The following MAGI2 variants were observed in gnomAD, a reference collection of about 807,000 sequenced individuals.
The protein encoded by MAGI2 is membrane-associated guanylate kinase, WW and PDZ domain-containing protein 2.
MAGI2 carries 35 observed loss-of-function variants against 133.3 expected under a neutral mutation model. The observed-to-expected ratio is 0.26, with a 90% CI of 0.20 to 0.35. MAGI2 has a LOEUF of 0.35. Ranked by LOEUF, MAGI2 falls within the 10% of genes least tolerant of loss-of-function variation. The probability of loss-of-function intolerance (pLI) is 1.00; values close to 1 mark genes in which losing one functional copy is unlikely to be tolerated. For synonymous variants in MAGI2, 729 were observed against 710.6 expected (o/e 1.03, Z -0.41); for missense variants, 1,636 against 1,863.4 (o/e 0.88, Z 2.25).
intron 20 of MAGI2, among the ~76,000 whole-genome samples, chr7:78,092,847 C>A (rs74771292): frequency 6.6e-6 from 1 of 152,090 alleles, no homozygotes; most frequent in South Asian, 2.1e-4. Flanking sequence ...CATACTGTTA[C>A]CTCTATTGCT....
intron 2 of MAGI2, among the ~76,000 whole-genome samples, chr7:78,831,158 A>T (rs1347478270): frequency 6.6e-6 from 1 of 152,156 alleles, no homozygotes. Context: ...AAGCCCATAC[A>T]TTATCAGCCA....
At chr7:79,229,150 AAAC>A (rs1381574469) in intron 1 of MAGI2, among the ~76,000 whole-genome samples, 4 of 152,032 alleles carry the variant, frequency 2.6e-5, no homozygotes, top group Middle Eastern at 3.4e-3. Context: ...GGAAAAAAAA[AAAC>A]AACAACATAA....
intron 5 of MAGI2, among the ~76,000 whole-genome samples, chr7:78,497,766 T>TCTGTCTGTCTATCTATCTATCTATCTA (rs1385517709): frequency 7.4e-6 from 1 of 135,312 alleles, no homozygotes; most frequent in Non-Finnish European, 1.6e-5. Flanking sequence ...CTATCTATCT[T>TCTGTCTGTCTATCTATCTATCTATCTA]TCTATCTTAT....
chr7:78,882,960 C>T (rs1458077864), intron 2 of MAGI2, among the ~76,000 whole-genome samples: 1 of 152,032 alleles, frequency 6.6e-6, no homozygotes, highest in South Asian at 2.1e-4. Flanking sequence ...ATAAGGATGC[C>T]CACTCTCACT....
At chr7:79,282,992 AT>A (rs2129558134) in intron 1 of MAGI2, among the ~76,000 whole-genome samples, 1 of 152,290 alleles carries the variant, frequency 6.6e-6, no homozygotes, top group South Asian at 2.1e-4. Flanking sequence ...GCTTGAAAGA[AT>A]GCCAGATGTG....
chr7:78,556,930 TAA>T (rs34425486), intron 3 of MAGI2, among the ~76,000 whole-genome samples: 5 of 149,248 alleles, frequency 3.4e-5, no homozygotes, highest in Non-Finnish European at 4.5e-5. Flanking sequence ...CTACTAAAAA[TAA>T]AAAAAAAAAT....
intron 3 of MAGI2, among the ~76,000 whole-genome samples, chr7:78,558,795 G>T (rs1800084385): frequency 6.7e-6 from 1 of 149,404 alleles, no homozygotes; most frequent in Non-Finnish European, 1.5e-5. Flanking sequence ...TGATCATACA[G>T]TGCTTTTGCA....
chr7:79,157,947 T>A (rs775842168), intron 1 of MAGI2, among the ~76,000 whole-genome samples: 12,839 of 134,908 alleles, frequency 0.095, 630 homozygotes, highest in African/African-American at 0.11. Context: ...TGTGAGTGTG[T>A]GTGTGTGTGT....
intron 2 of MAGI2, among the ~76,000 whole-genome samples, chr7:78,986,483 A>G (rs1027054137): frequency 3.3e-5 from 5 of 151,732 alleles, no homozygotes; most frequent in African/African-American, 1.2e-4. Flanking sequence ...GTCCATTCAA[A>G]CCGGTCTTTT....
At chr7:78,824,412 A>G (rs1790445271) in intron 2 of MAGI2, among the ~76,000 whole-genome samples, 3 of 152,124 alleles carry the variant, frequency 2.0e-5, no homozygotes, top group Non-Finnish European at 4.4e-5. Flanking sequence ...AAGGATTCCC[A>G]TTTCTCCATA....
chr7:78,108,660 G>A (rs867824984), intron 20 of MAGI2, among the ~76,000 whole-genome samples: 6 of 122,596 alleles, frequency 4.9e-5, no homozygotes, highest in Non-Finnish European at 1.8e-5. Context: ...GTGTGTGTGT[G>A]TGTGTGTGTA....
intron 9 of MAGI2, among the ~76,000 whole-genome samples, chr7:78,331,983 G>C (rs1255860746): frequency 6.6e-6 from 1 of 152,162 alleles, no homozygotes; most frequent in Non-Finnish European, 1.5e-5. Flanking sequence ...CAATTACTGT[G>C]TGACTAATCC....
intron 2 of MAGI2, among the ~76,000 whole-genome samples, chr7:78,915,540 A>G (rs546957390): frequency 9.9e-5 from 15 of 152,174 alleles, no homozygotes; most frequent in African/African-American, 3.6e-4. Flanking sequence ...TTACTGAATG[A>G]CCTCTAGGTA....
At chr7:78,231,601 C>T (rs538752689) in intron 10 of MAGI2, among the ~76,000 whole-genome samples, 3 of 152,294 alleles carry the variant, frequency 2.0e-5, no homozygotes, top group Non-Finnish European at 2.9e-5. Flanking sequence ...ACAAATATGG[C>T]GACTTCTTCC....
chr7:79,137,450 G>GTTTTT lies in MAGI2; in HGVS notation c.302-130249_302-130245dup, dbSNP rs376997399. The stretch of plus-strand genomic sequence containing the variant: ...CTTCTTCCACTTCTGGGTGTTTTTT[G>GTTTTT]TTTTTTTTTTTTTTTGAGACAAAGT... On this transcript the variant is annotated intron_variant, in intron 1 of 21. Transcript: ENST00000354212. Among the ~76,000 whole-genome samples, 21 of 133,296 alleles carry GTTTTT rather than the reference G, an allele frequency of 1.6e-4. 3 individuals are homozygous for GTTTTT. Among genetic ancestry groups the GTTTTT allele is most frequent in the Non-Finnish European group, 2.5e-4 (16 of 63,886 alleles). 87.4% of individuals were successfully genotyped at this position (133,296 alleles called of 152,430 possible).
chr7:78,804,764 A>G (rs1788409403), intron 2 of MAGI2, among the ~76,000 whole-genome samples: 2 of 90,352 alleles, frequency 2.2e-5, no homozygotes, highest in Admixed American at 2.3e-4. Flanking sequence ...AAAAAAAAAA[A>G]AAAAAAAACC....
chr7:78,212,690 C>G (rs775981074), intron 10 of MAGI2, among the ~76,000 whole-genome samples: 12 of 152,134 alleles, frequency 7.9e-5, no homozygotes, highest in Non-Finnish European at 1.5e-4. Context: ...ATATAGCTGG[C>G]ATCTTTCCTA....
intron 1 of MAGI2, among the ~76,000 whole-genome samples, chr7:79,025,450 A>G (rs934838314): frequency 2.2e-4 from 34 of 152,192 alleles, no homozygotes; most frequent in Admixed American, 2.1e-3. Flanking sequence ...AACTCCTGTG[A>G]CATGCAATTT....
chr7:78,428,731 G>A (rs1161654549), intron 6 of MAGI2, among the ~76,000 whole-genome samples: 1 of 152,076 alleles, frequency 6.6e-6, no homozygotes, highest in Non-Finnish European at 1.5e-5. Context: ...ATTACCTCTG[G>A]TTTCTAGCTT....
Sources: gnomAD v4.1 joint callset for allele counts (sites outside exome capture counted in the v4.1 genomes callset) on GRCh38, gnomAD v4.1.1 for gene constraint, MANE v1.5 for transcripts, NCBI Gene and HGNC (gene_info 2026-07-23, HGNC 2026-07-21) for gene names.